GRIK4: variants seen among roughly 807,000 people sequenced by gnomAD.
GRIK4 encodes glutamate receptor ionotropic, kainate 4.
Under a neutral mutation model 104.9 loss-of-function variants are expected in GRIK4, and 40 were observed. That is an observed-to-expected ratio of 0.38 (90% CI 0.30 to 0.50). The LOEUF is 0.50. GRIK4 is among the 20% of genes least tolerant of loss of function. The probability of loss-of-function intolerance (pLI) is 0.93; values close to 1 mark genes in which losing one functional copy is unlikely to be tolerated. For synonymous variants in GRIK4, 485 were observed against 524.9 expected (o/e 0.92, Z 1.04); for missense variants, 1,047 against 1,308.1 (o/e 0.80, Z 3.08).
chr11:120,896,427 G>A (rs1942583737), intron 11 of GRIK4, among the ~76,000 whole-genome samples: 1 of 152,246 alleles, frequency 6.6e-6, no homozygotes, highest in African/African-American at 2.4e-5. Context: ...GAACCATGCT[G>A]CCCTTGCAGA....
At chr11:120,750,617 C>G (rs1388672054) in intron 3 of GRIK4, among the ~76,000 whole-genome samples, 2 of 152,106 alleles carry the variant, frequency 1.3e-5, no homozygotes, top group Non-Finnish European at 2.9e-5. Context: ...GATCTGGCCA[C>G]CTTGGCCTCC....
At chr11:120,908,537 G>T (rs1180158479) in intron 13 of GRIK4, among the ~76,000 whole-genome samples, 1 of 152,160 alleles carries the variant, frequency 6.6e-6, no homozygotes, top group Non-Finnish European at 1.5e-5. Context: ...AGAGCCGAAG[G>T]TCAAATCTTG....
At chr11:120,577,202 G>A (rs374692730) in intron 1 of GRIK4, among the ~76,000 whole-genome samples, 5 of 152,148 alleles carry the variant, frequency 3.3e-5, no homozygotes, top group Admixed American at 1.3e-4. Flanking sequence ...GTGGAGAGGC[G>A]GGGCAGGCAC....
At chr11:120,900,923 G>A (rs939166646) in intron 12 of GRIK4, among the ~76,000 whole-genome samples, 1 of 152,190 alleles carries the variant, frequency 6.6e-6, no homozygotes, top group Non-Finnish European at 1.5e-5. Context: ...CACTTTGGGG[G>A]AGGGGGTGCA....
rs138584026 is a variant in GRIK4, at chr11:120,591,996, C to A, written c.-158-61689C>A. ...ATAAAAGATGTCAGTACAAACCACT[C>A]GTGCAGGCTCCACTCAGGTCACAAA... On this transcript the variant is annotated intron_variant, in intron 1 of 20. Transcript: ENST00000527524. Among the ~76,000 whole-genome samples the A allele has an allele frequency of 2.5e-3, 379 of 152,272 alleles. 1 individual carries two copies. Among genetic ancestry groups the A allele is most frequent in the African/African-American group, 8.7e-3 (361 of 41,534 alleles).
At chr11:120,597,936 A>C (rs1048165804) in intron 1 of GRIK4, among the ~76,000 whole-genome samples, 1 of 152,134 alleles carries the variant, frequency 6.6e-6, no homozygotes, top group African/African-American at 2.4e-5. Context: ...TAAAGACGTC[A>C]TGTTTTCTGC....
intron 1 of GRIK4, among the ~76,000 whole-genome samples, chr11:120,534,110 G>A (rs1455795129): frequency 6.6e-6 from 1 of 152,148 alleles, no homozygotes; most frequent in Non-Finnish European, 1.5e-5. Flanking sequence ...AGAGGGGAGT[G>A]TGGGCCCAGA....
intron 1 of GRIK4, among the ~76,000 whole-genome samples, chr11:120,652,664 A>G (rs556330817): frequency 1.3e-5 from 2 of 152,160 alleles, no homozygotes; most frequent in South Asian, 4.2e-4. Flanking sequence ...TGTTGCCCAC[A>G]GCGGGGAAAA....
intron 13 of GRIK4, among the ~76,000 whole-genome samples, chr11:120,909,867 G>A (rs912767481): frequency 6.6e-6 from 1 of 152,210 alleles, no homozygotes; most frequent in African/African-American, 2.4e-5. Flanking sequence ...ACCCAAAACA[G>A]TGGGTGCTGT....
intron 19 of GRIK4, among the ~76,000 whole-genome samples, chr11:120,969,228 G>T (rs1262922146): frequency 6.6e-6 from 1 of 152,262 alleles, no homozygotes; most frequent in East Asian, 1.9e-4. Flanking sequence ...AATACTGGGG[G>T]GTGAAGTGCG....
At chr11:120,700,233 A>G (rs1331372527) in intron 3 of GRIK4, among the ~76,000 whole-genome samples, 1 of 151,096 alleles carries the variant, frequency 6.6e-6, no homozygotes, top group Non-Finnish European at 1.5e-5. Context: ...GGCCACATAT[A>G]TGACAAAGTT....
chr11:120,524,566 G>C lies in GRIK4; in HGVS notation c.-159+12679G>C, dbSNP rs912586665. ...GCTCCAGGCACTTTACCCCCTCCTC[G>C]AACCCAGATGAGCCTGGCATCAATG... On this transcript the variant is annotated intron_variant, in intron 1 of 20. Coordinates refer to ENST00000527524, the MANE Select transcript of GRIK4 (RefSeq NM_014619.5). The surrounding 1 kb of genome is among the most constrained non-coding windows in gnomAD (Gnocchi z 4.5). Among the ~76,000 whole-genome samples, 1 of 152,106 alleles carries C rather than the reference G, an allele frequency of 6.6e-6. No homozygotes were observed. Among genetic ancestry groups the C allele is most frequent in the African/African-American group, 2.4e-5 (1 of 41,412 alleles).
At chr11:120,807,498 G>A (rs1003454870) in intron 4 of GRIK4, among the ~76,000 whole-genome samples, 4 of 152,270 alleles carry the variant, frequency 2.6e-5, no homozygotes, top group South Asian at 2.1e-4. Flanking sequence ...AGTGCCCGGC[G>A]CGTAGCGTTC....
chr11:120,629,712 G>T (rs527429444), intron 1 of GRIK4, among the ~76,000 whole-genome samples: 1 of 152,218 alleles, frequency 6.6e-6, no homozygotes, highest in African/African-American at 2.4e-5. Flanking sequence ...TTCCCTGCCA[G>T]GCCCGCTGTT....
intron 1 of GRIK4, among the ~76,000 whole-genome samples, chr11:120,570,617 G>A (rs532878017): frequency 6.6e-6 from 1 of 152,024 alleles, no homozygotes; most frequent in Non-Finnish European, 1.5e-5. Context: ...ATCACACCTG[G>A]CTATTTTTTT....
chr11:120,526,684 TAACCAGG>T (rs1472417549), intron 1 of GRIK4, among the ~76,000 whole-genome samples: 4 of 152,044 alleles, frequency 2.6e-5, no homozygotes, highest in Non-Finnish European at 4.4e-5. Flanking sequence ...AATACAAAAT[TAACCAGG>T]TGTGGTGGCA....
chr11:120,947,992 A>G (rs1943904454), intron 14 of GRIK4, among the ~76,000 whole-genome samples: 1 of 152,234 alleles, frequency 6.6e-6, no homozygotes, highest in Non-Finnish European at 1.5e-5. Context: ...GTGGATAGGA[A>G]TTAATTACTT....
At chr11:120,748,152 C>T (rs529687724) in intron 3 of GRIK4, among the ~76,000 whole-genome samples, 4 of 151,864 alleles carry the variant, frequency 2.6e-5, no homozygotes, top group Non-Finnish European at 5.9e-5. Context: ...GTTTGTCTCC[C>T]GAGGTGGTCT....
At chr11:120,547,732 A>G (rs2252249) in intron 1 of GRIK4, among the ~76,000 whole-genome samples, 10,516 of 152,240 alleles carry the variant, frequency 0.069, 1,235 homozygotes, top group African/African-American at 0.24. Context: ...AAAGACAGCA[A>G]CTGCCTAGTG....
Sources: allele counts gnomAD v4.1 joint callset (sites outside exome capture counted in the v4.1 genomes callset), GRCh38; gene constraint gnomAD v4.1.1; non-coding constraint Gnocchi (gnomAD v3.1); transcripts MANE v1.5; gene names NCBI Gene and HGNC (gene_info 2026-07-23, HGNC 2026-07-21).